Variants in SDHB observed in about 807,000 individuals in gnomAD.
SDHB encodes the protein succinate dehydrogenase [ubiquinone] iron-sulfur subunit, mitochondrial.
In SDHB, 21 loss-of-function variants were observed where a neutral mutation model predicts 39.7. The observed-to-expected ratio is 0.53, with a 90% CI of 0.37 to 0.76. The LOEUF (loss-of-function observed/expected upper bound fraction) is 0.76, where lower values mean the gene tolerates loss of function less well. Ranked by LOEUF, SDHB falls within the 30% of genes least tolerant of loss-of-function variation. The pLI, the probability that SDHB is intolerant of heterozygous loss-of-function variation, is 0.00. For missense variants in SDHB, 343 were observed against 350.9 expected (o/e 0.98, Z 0.18); for synonymous variants, 118 against 117.0 (o/e 1.01, Z -0.06).
chr1:17,021,750 CA>C (rs769819005), intron 7 of SDHB, among the ~76,000 whole-genome samples: 354 of 138,954 alleles, frequency 2.5e-3, no homozygotes, highest in Admixed American at 2.5e-3. Flanking sequence ...ACTCTGTCTC[CA>C]AAAAAAAAAA....
rs2101551949 is a variant in SDHB, at chr1:17,054,010, C to T, written c.10G>A (p.Val4Met). 2.5e-6 allele frequency: 4 copies of T among 1,610,918 alleles called. No individual in the cohort carries two copies. The highest frequency in any genetic ancestry group is 3.4e-6 in the Non-Finnish European group (4 of 1,178,496). The part of the protein sequence containing the change: MAA[V>M]VALSLRRRLP... Reference sequence around the variant, plus strand: ...CGGCGCCTCAAGGAGAGGGCGACCACCGCCGCCATCTTGGCTCCTGACGTC... The same window carrying T: ...CGGCGCCTCAAGGAGAGGGCGACCATCGCCGCCATCTTGGCTCCTGACGTC... The change falls in exon 1 of 8, where the codon GTG becomes ATG. Residue 4 changes from valine (V) to methionine (M), a missense_variant. Transcript: ENST00000375499.
At chr1:17,027,924 C>T (rs2078000834) in intron 4 of SDHB, 59 bp from the exon 5 acceptor site, 1 of 1,052,380 alleles carries the variant, frequency 9.5e-7, no homozygotes, top group South Asian at 1.3e-5. Flanking sequence ...TCCATCATCA[C>T]CTCAGCTTTA....
rs1557746669 is a variant in SDHB, at chr1:17,044,863, G to A, written c.98C>T (p.Ala33Val). The change falls in exon 2 of 8, where the codon GCA (alanine) becomes GTA (valine). Residue 33 changes from alanine to valine, a missense_variant. Coordinates refer to ENST00000375499, the MANE Select transcript of SDHB (RefSeq NM_003000.3). ...LQASRGAQTA[A>V]ATAPRIKKFA... Reference sequence around the variant, plus strand: ...TTTCTTGATACGGGGAGCTGTGGCTGCAGCTGTCTGGGCTCCTCGGGAGGC... The same window carrying A: ...TTTCTTGATACGGGGAGCTGTGGCTACAGCTGTCTGGGCTCCTCGGGAGGC... The A allele has an allele frequency of 6.2e-7, 1 of 1,613,936 alleles. No individual in the cohort carries two copies. The highest frequency in any genetic ancestry group is 2.2e-5 in the East Asian group (1 of 44,876).
intron 3 of SDHB, among the ~76,000 whole-genome samples, chr1:17,032,282 T>C (rs931751896): frequency 6.6e-6 from 1 of 151,014 alleles, no homozygotes; most frequent in African/African-American, 2.4e-5. Flanking sequence ...CACTGCAAAC[T>C]CCACCTCCCG....
chr1:17,019,692 G>T (rs1421827831), intron 7 of SDHB, among the ~76,000 whole-genome samples: 5 of 152,048 alleles, frequency 3.3e-5, no homozygotes, highest in African/African-American at 1.2e-4. Flanking sequence ...GTTGTGGAAA[G>T]AAAGAAGAAA....
At chr1:17,038,322 TA>T (rs1303209405) in intron 2 of SDHB, among the ~76,000 whole-genome samples, 1 of 152,222 alleles carries the variant, frequency 6.6e-6, no homozygotes, top group Non-Finnish European at 1.5e-5. Context: ...AAGCCTCCAG[TA>T]AAATTTTGAA....
rs369876253 is a variant in SDHB, at chr1:17,024,550, G to A, written c.541-476C>T. ...AGTGACTGCCACTGCCAATCCTGAC[G>A]GAGGCCCTGCGCCTTACACGCTTTC... On this transcript the variant is annotated intron_variant, in intron 5 of 7. Coordinates refer to ENST00000375499, the MANE Select transcript of SDHB (RefSeq NM_003000.3). Among the ~76,000 whole-genome samples the A allele has an allele frequency of 9.2e-5, 14 of 152,292 alleles. No individual in the cohort carries two copies. The South Asian group carries it at 1.9e-3, about 20-fold the overall frequency.
At chr1:17,035,517 G>GT (rs1553178222) in intron 2 of SDHB, among the ~76,000 whole-genome samples, 3 of 151,702 alleles carry the variant, frequency 2.0e-5, no homozygotes, top group Non-Finnish European at 2.9e-5. Context: ...CAACATCTTT[G>GT]TTTTTTTTAC....
At chr1:17,051,877 T>G (rs997956359) in intron 1 of SDHB, among the ~76,000 whole-genome samples, 2 of 151,942 alleles carry the variant, frequency 1.3e-5, no homozygotes, top group African/African-American at 4.8e-5. Context: ...GTTTCGCTCT[T>G]GTCGCCCAGG....
rs1362295447 is a variant in SDHB, at chr1:17,021,350, G to A, written c.765+1258C>T. 2.6e-5 allele frequency among the ~76,000 whole-genome samples: 4 copies of A among 152,182 alleles called. No individual in the cohort carries two copies. The East Asian group carries it at 7.7e-4, about 29-fold the overall frequency. On this transcript the variant is annotated intron_variant, in intron 7 of 7. Transcript: ENST00000375499. ...GTAGTCCCAGCTACTCAGGAGGTAG[G>A]AGGATCACTTAAGGCCAGCAGTTCC...
chr1:17,042,535 T>G (rs918107168), intron 2 of SDHB, among the ~76,000 whole-genome samples: 1 of 152,148 alleles, frequency 6.6e-6, no homozygotes, highest in Admixed American at 6.5e-5. Context: ...CCTAGGACTT[T>G]GGGAAGCTAA....
chr1:17,031,730 CT>C lies in SDHB; in HGVS notation c.286+1329del, dbSNP rs1184877379. Among the ~76,000 whole-genome samples the C allele has an allele frequency of 2.6e-5, 4 of 151,354 alleles. 1 individual carries two copies. The Middle Eastern group carries it at 0.014, about 518-fold the overall frequency. The stretch of plus-strand genomic sequence containing the variant: ...GGGCCGGTATCAATACTGGCTTTTC[CT>C]TTTTTTTTAAGGTTTTCTTAGAAAA... On this transcript the variant is annotated intron_variant, in intron 3 of 7. Transcript: ENST00000375499.
intron 5 of SDHB, among the ~76,000 whole-genome samples, chr1:17,026,501 A>G (rs532504948): frequency 6.6e-6 from 1 of 152,128 alleles, no homozygotes; most frequent in Admixed American, 6.5e-5. Flanking sequence ...AGTAGCTGGG[A>G]TTATAGGTGT....
intron 2 of SDHB, among the ~76,000 whole-genome samples, chr1:17,037,479 C>A (rs892143777): frequency 1.3e-5 from 2 of 148,284 alleles, no homozygotes; most frequent in Non-Finnish European, 3.0e-5. Context: ...TTTTTTGAGA[C>A]ACAGTCTTGC....
intron 3 of SDHB, among the ~76,000 whole-genome samples, chr1:17,030,294 C>T (rs2078015597): frequency 1.3e-5 from 2 of 152,118 alleles, no homozygotes; most frequent in Non-Finnish European, 2.9e-5. Context: ...CCTTTGCCTC[C>T]CACTGTGTTG....
Position 17,044,882 on chromosome 1 carries a change from G to A in SDHB, c.79C>T (p.Arg27Ter), listed in dbSNP as rs74315369. 3 of 1,613,380 alleles carry A rather than the reference G, an allele frequency of 1.9e-6. No individual in the cohort carries two copies. Among genetic ancestry groups the A allele is most frequent in the East Asian group, 2.2e-5 (1 of 44,874 alleles). ...TLGGACLQAS[R>*]GAQTAAATAP... ...GTGGCTGCAGCTGTCTGGGCTCCTC[G>A]GGAGGCCTGAAATTTTTTAAAGTTC... Residue 27 changes from arginine to a stop codon, truncating the protein, a stop_gained, in exon 2 of 8, where the codon CGA becomes TGA. Coordinates refer to ENST00000375499, the MANE Select transcript of SDHB (RefSeq NM_003000.3). LOFTEE classifies it high-confidence loss of function.
intron 2 of SDHB, among the ~76,000 whole-genome samples, chr1:17,038,696 TCA>T (rs758668118): frequency 2.6e-5 from 4 of 152,392 alleles, no homozygotes; most frequent in African/African-American, 9.6e-5. Context: ...GCTGTGATTT[TCA>T]CAGTCTTCAT....
chr1:17,045,430 A>C (rs145897299), intron 1 of SDHB, among the ~76,000 whole-genome samples: 186 of 152,166 alleles, frequency 1.2e-3, no homozygotes, highest in African/African-American at 4.4e-3. Flanking sequence ...TCTGGGAAAC[A>C]TGGCAAAACC....
intron 1 of SDHB, among the ~76,000 whole-genome samples, chr1:17,052,645 C>T (rs1185508414): frequency 6.6e-6 from 1 of 152,168 alleles, no homozygotes; most frequent in Non-Finnish European, 1.5e-5. Context: ...AGGATGTCAG[C>T]TTGAGGCTCT....
Sources: gnomAD v4.1 joint callset for allele counts (sites outside exome capture counted in the v4.1 genomes callset) on GRCh38, gnomAD v4.1.1 for gene constraint, MANE v1.5 for transcripts, NCBI Gene and HGNC (gene_info 2026-07-23, HGNC 2026-07-21) for gene names.